IQCH: variants seen among roughly 807,000 people sequenced by gnomAD.
The protein encoded by IQCH is IQ domain-containing protein H.
In IQCH, 98 loss-of-function variants were observed where a neutral mutation model predicts 117.0. The observed-to-expected ratio is 0.84, with a 90% confidence interval of 0.71 to 0.99. The LOEUF (loss-of-function observed/expected upper bound fraction) is 0.99, where lower values mean the gene tolerates loss of function less well. Ranked by LOEUF, IQCH falls within the 50% of genes least tolerant of loss-of-function variation. IQCH has a pLI of 0.00. For synonymous variants in IQCH, 412 were observed against 448.2 expected (o/e 0.92, Z 1.02); for missense variants, 1,102 against 1,243.8 (o/e 0.89, Z 1.72).
At chr15:67,275,981 A>G (rs1966105959) in intron 3 of IQCH, among the ~76,000 whole-genome samples, 1 of 152,246 alleles carries the variant, frequency 6.6e-6, no homozygotes, top group African/African-American at 2.4e-5. Flanking sequence ...TGTTCATTTT[A>G]GCATTGTATT....
chr15:67,378,551 A>G (rs1970814834), intron 10 of IQCH, among the ~76,000 whole-genome samples: 1 of 151,322 alleles, frequency 6.6e-6, no homozygotes, highest in Non-Finnish European at 1.5e-5. Context: ...AGTACACTTA[A>G]ACTTTAAAAA....
At chr15:67,389,623 C>T (rs1015509126) in intron 12 of IQCH, among the ~76,000 whole-genome samples, 1 of 151,840 alleles carries the variant, frequency 6.6e-6, no homozygotes, top group African/African-American at 2.4e-5. Context: ...TGGCTTAAAA[C>T]GAATTTCCCT....
At chr15:67,419,580 G>A (rs1399685915) in intron 15 of IQCH, among the ~76,000 whole-genome samples, 1 of 152,090 alleles carries the variant, frequency 6.6e-6, no homozygotes, top group Non-Finnish European at 1.5e-5. Context: ...TTGAGATAGG[G>A]TCTCGCTCTA....
At chr15:67,444,113 CG>C (rs1430339434) in intron 16 of IQCH, among the ~76,000 whole-genome samples, 1 of 152,174 alleles carries the variant, frequency 6.6e-6, no homozygotes, top group Non-Finnish European at 1.5e-5. Context: ...CCAAAGAAAA[CG>C]TATGTTTCTC....
chr15:67,477,276 C>T (rs1437087889), intron 18 of IQCH, among the ~76,000 whole-genome samples: 3 of 151,892 alleles, frequency 2.0e-5, no homozygotes, highest in South Asian at 4.2e-4. Context: ...GTCTTGATCT[C>T]GACCTCATGA....
chr15:67,292,334 C>T (rs1045550368), intron 4 of IQCH, among the ~76,000 whole-genome samples: 2 of 152,156 alleles, frequency 1.3e-5, no homozygotes, highest in East Asian at 1.9e-4. Flanking sequence ...ATCATGCAGC[C>T]GCAATCTCCT....
chr15:67,366,733 T>C lies in IQCH; in HGVS notation c.754-5378T>C, dbSNP rs1970345423. On this transcript the variant is annotated intron_variant, in intron 8 of 20. Transcript: ENST00000335894. This position sits in a 1 kb window ranked among gnomAD's most constrained non-coding sequence, Gnocchi z 4.4. ...GGATTACTTAGACAGTTTCTAGATATTATGAACTGAGAGCCATTGACTTGC... is the reference window on the plus strand; with the variant it reads ...GGATTACTTAGACAGTTTCTAGATACTATGAACTGAGAGCCATTGACTTGC... Among the ~76,000 whole-genome samples the C allele has an allele frequency of 6.6e-6, 1 of 152,192 alleles. No homozygotes were observed. The highest frequency in any genetic ancestry group is 6.5e-5 in the Admixed American group (1 of 15,278).
intron 4 of IQCH, among the ~76,000 whole-genome samples, chr15:67,306,121 T>C (rs1967281334): frequency 6.6e-6 from 1 of 152,066 alleles, no homozygotes; most frequent in Non-Finnish European, 1.5e-5. Flanking sequence ...ACCCTATCAT[T>C]TTATGTTGAT....
intron 10 of IQCH, among the ~76,000 whole-genome samples, chr15:67,382,660 G>A (rs577114365): frequency 2.6e-5 from 4 of 152,212 alleles, no homozygotes; most frequent in South Asian, 2.1e-4. Context: ...TATCTAAACC[G>A]TATAATAATT....
intron 5 of IQCH, among the ~76,000 whole-genome samples, chr15:67,340,432 A>C (rs1460978226): frequency 9.0e-5 from 3 of 33,252 alleles, no homozygotes; most frequent in East Asian, 3.9e-4. Context: ...ATCTCAAAAA[A>C]AAAAAAAAAA....
intron 16 of IQCH, among the ~76,000 whole-genome samples, chr15:67,437,644 C>CA (rs2082170807): frequency 6.6e-6 from 1 of 151,842 alleles, no homozygotes; most frequent in African/African-American, 2.4e-5. Context: ...CAAGGAAATC[C>CA]AAAAAATGAT....
rs181610115 is a variant in IQCH at position 67,370,989 on chromosome 15, A to G, written c.754-1122A>G. ...GGGGGGGTTTTCTTTGAGTTTTTTG[A>G]AAACTCTTCAAAATGCGAAGAGTAA... On this transcript the variant is annotated intron_variant, in intron 8 of 20. Coordinates refer to ENST00000335894, the MANE Select transcript of IQCH (RefSeq NM_001031715.3). The surrounding 1 kb of genome is among the most constrained non-coding windows in gnomAD (Gnocchi z 5.6). Among the ~76,000 whole-genome samples the G allele has an allele frequency of 1.1e-4, 17 of 152,014 alleles. No individual in the cohort carries two copies. The East Asian group carries it at 2.7e-3, about 24-fold the overall frequency.
At chr15:67,340,597 CTA>C (rs2140672297) in intron 5 of IQCH, among the ~76,000 whole-genome samples, 1 of 152,156 alleles carries the variant, frequency 6.6e-6, no homozygotes, top group South Asian at 2.1e-4. Context: ...ATGTAAATTA[CTA>C]TATTGCCATG....
At chr15:67,293,312 A>G (rs1324186926) in intron 4 of IQCH, among the ~76,000 whole-genome samples, 1 of 152,170 alleles carries the variant, frequency 6.6e-6, no homozygotes, top group Admixed American at 6.6e-5. Context: ...ACAAAAAACA[A>G]TTTGAAAAGT....
intron 6 of IQCH, among the ~76,000 whole-genome samples, chr15:67,355,450 C>A (rs1250373701): frequency 6.6e-6 from 1 of 151,882 alleles, no homozygotes; most frequent in Non-Finnish European, 1.5e-5. Context: ...ATTAGCTGGG[C>A]GTGGTGGTGG....
Position 67,395,298 on chromosome 15 carries a change from A to G in IQCH, c.1640A>G (p.His547Arg), listed in dbSNP as rs776138149. ...PEAVNIFPKH[H>R]MCLATHLMYS... ...AATATGATCTTCCCCCAGAAGCATC[A>G]TATGTGCCTGGCCACTCACCTGATG... The change falls in exon 13 of 21, where the codon CAT becomes CGT. Residue 547 changes from histidine to arginine, a missense_variant. Transcript: ENST00000335894. This position sits in a 1 kb window ranked among gnomAD's most constrained non-coding sequence, Gnocchi z 4.0. 9.3e-6 allele frequency: 15 copies of G among 1,612,142 alleles called. No individual in the cohort carries two copies. The South Asian group carries it at 1.5e-4, about 17-fold the overall frequency.
In IQCH at chr15:67,500,753, A is replaced by T; in HGVS notation, c.*7A>T. 1 of 1,411,494 alleles carries T rather than the reference A, an allele frequency of 7.1e-7. No individual in the cohort carries two copies. The highest frequency in any genetic ancestry group is 1.2e-5 in the South Asian group (1 of 82,144). 87.4% of individuals were successfully genotyped at this position (1,411,494 alleles called of 1,614,324 possible). A position where few individuals can be genotyped will look rare whatever the true frequency, so the allele number is the denominator to read the frequency against. ...CTCTAAACCCAAGAAATGATCCTGGAATACAGTACATAACAATTTGGATCC... is the reference window on the plus strand; with the variant it reads ...CTCTAAACCCAAGAAATGATCCTGGTATACAGTACATAACAATTTGGATCC... On this transcript the variant is annotated 3_prime_UTR_variant, in exon 21 of 21. Transcript: ENST00000335894. This position sits in a 1 kb window ranked among gnomAD's most constrained non-coding sequence, Gnocchi z 4.4.
chr15:67,363,420 A>G (rs1291272889), intron 8 of IQCH, among the ~76,000 whole-genome samples: 1 of 146,082 alleles, frequency 6.8e-6, no homozygotes, highest in East Asian at 2.0e-4. Flanking sequence ...TTTTTTTTGT[A>G]TTTTTAGTAG....
At chr15:67,311,846 C>A (rs1361285452) in intron 4 of IQCH, among the ~76,000 whole-genome samples, 2 of 151,938 alleles carry the variant, frequency 1.3e-5, no homozygotes, top group Non-Finnish European at 2.9e-5. Context: ...TTAACAAGAG[C>A]AAATCCGCTA....
Sources: allele counts gnomAD v4.1 joint callset (sites outside exome capture counted in the v4.1 genomes callset), GRCh38; gene constraint gnomAD v4.1.1; non-coding constraint Gnocchi (gnomAD v3.1); transcripts MANE v1.5; gene names NCBI Gene and HGNC (gene_info 2026-07-23, HGNC 2026-07-21).